The following NEBL variants were observed in gnomAD, a reference collection of about 807,000 sequenced individuals.
NEBL encodes the protein LIM and SH3 protein 2.
A neutral mutation model predicts 140.2 loss-of-function variants in NEBL; 122 were observed. The observed-to-expected ratio is 0.87, with a 90% confidence interval of 0.75 to 1.01. The LOEUF (loss-of-function observed/expected upper bound fraction) is 1.01. Among genes scored for constraint, NEBL ranks in the 50% least tolerant of loss-of-function variants. The pLI is 0.00. For missense variants in NEBL, 1,365 were observed against 1,231.3 expected, an observed-to-expected ratio of 1.11 and a Z score of -1.62; for synonymous variants, 436 against 398.9, an observed-to-expected ratio of 1.09 and a Z score of -1.11.
chr10:20,832,881 C>A (rs1840546601), intron 14 of NEBL, among the ~76,000 whole-genome samples: 1 of 152,170 alleles, frequency 6.6e-6, no homozygotes, highest in South Asian at 2.1e-4. Context: ...TTATGTTTAA[C>A]TTTCAAAATA....
chr10:21,153,617 C>T lies in NEBL; in HGVS notation c.164+18766G>A, dbSNP rs530625895. Reference sequence around the variant, plus strand: ...AATCTCAGCTCACTGCAACCTCCACCCCGAGGGTTCAAGTGAATCTCCTGA... The same window carrying T: ...AATCTCAGCTCACTGCAACCTCCACTCCGAGGGTTCAAGTGAATCTCCTGA... On this transcript the variant is annotated intron_variant, in intron 2 of 6. Coordinates refer to the NEBL transcript ENST00000417816. Among the ~76,000 whole-genome samples, 5 of 152,196 alleles carry T rather than the reference C, an allele frequency of 3.3e-5. No homozygotes were observed. In the South Asian group the frequency reaches 6.2e-4, roughly 19 times the overall value.
intron 2 of NEBL, chr10:21,113,266 C>G: frequency 4.2e-6 from 1 of 237,072 alleles, no homozygotes; most frequent in South Asian, 4.1e-5. Flanking sequence ...ACCATCAACA[C>G]CAAGATCAAA....
chr10:21,182,256 A>G (rs1841400135), intron 3 of NEBL, among the ~76,000 whole-genome samples: 1 of 151,902 alleles, frequency 6.6e-6, no homozygotes, highest in Admixed American at 6.6e-5. Context: ...AGGATCAAAG[A>G]AGGCCAGGAA....
chr10:20,853,795 AG>A (rs1173843452), intron 9 of NEBL, among the ~76,000 whole-genome samples: 3 of 152,140 alleles, frequency 2.0e-5, no homozygotes, highest in African/African-American at 7.2e-5. Context: ...ACCGTTAGAG[AG>A]AATGAGTTTA....
intron 10 of NEBL, among the ~76,000 whole-genome samples, chr10:20,852,255 G>A (rs1340871674): frequency 6.6e-6 from 1 of 152,040 alleles, no homozygotes; most frequent in African/African-American, 2.4e-5. Context: ...ATCATCATGT[G>A]GTTTGACCAT....
chr10:20,994,812 T>C (rs1281415239), intron 3 of NEBL, among the ~76,000 whole-genome samples: 1 of 152,130 alleles, frequency 6.6e-6, no homozygotes, highest in Admixed American at 6.5e-5. Context: ...ATTCATTAAG[T>C]GGAAATGGAC....
chr10:20,914,396 C>T (rs1352529451), intron 4 of NEBL, among the ~76,000 whole-genome samples: 1 of 152,196 alleles, frequency 6.6e-6, no homozygotes, highest in Non-Finnish European at 1.5e-5. Context: ...GCCTTACTTA[C>T]TGCAAAGGTT....
chr10:20,954,025 GAAAAAAA>G (rs200642113), intron 4 of NEBL, among the ~76,000 whole-genome samples: 24,346 of 125,768 alleles, frequency 0.19, 2,479 homozygotes, highest in East Asian at 0.4. Context: ...TCTTCTTAAG[GAAAAAAA>G]AAAAAAAAAA....
intron 2 of NEBL, among the ~76,000 whole-genome samples, chr10:21,141,513 G>C (rs1280514005): frequency 6.6e-6 from 1 of 152,130 alleles, no homozygotes; most frequent in Non-Finnish European, 1.5e-5. Context: ...TTTTCTGTTT[G>C]TCTAATATTA....
At chr10:20,900,589 C>T (rs1588979282), upstream of NEBL, among the ~76,000 whole-genome samples, 1 of 149,266 alleles carries the variant, frequency 6.7e-6, no homozygotes, top group African/African-American at 2.5e-5. Context: ...TTCGGGAGGC[C>T]AAGGCAGGTG....
chr10:21,241,366 G>C (rs945760694), intron 3 of NEBL, among the ~76,000 whole-genome samples: 2 of 151,888 alleles, frequency 1.3e-5, no homozygotes, highest in Non-Finnish European at 2.9e-5. Flanking sequence ...GAGCTTGTTC[G>C]GCCCCCTGGG....
rs1013642725 is a variant in NEBL, at chr10:21,125,834, T to C, written c.164+46549A>G. Reference sequence around the variant, plus strand: ...TGTCCTTCAGACATTTACAAAAAAGTCATTTTCAGCACCTTCTTAGATACG... The same window carrying C: ...TGTCCTTCAGACATTTACAAAAAAGCCATTTTCAGCACCTTCTTAGATACG... On this transcript the variant is annotated intron_variant, in intron 2 of 6. Transcript: ENST00000417816. 5.6e-6 allele frequency: 9 copies of C among 1,609,496 alleles called. No homozygotes were observed. In the East Asian group the frequency reaches 1.8e-4, roughly 32 times the overall value.
intron 2 of NEBL, among the ~76,000 whole-genome samples, chr10:21,094,854 G>A (rs1336046817): frequency 2.6e-5 from 4 of 152,128 alleles, no homozygotes; most frequent in African/African-American, 9.7e-5. Context: ...TGGAAGAATG[G>A]CAGTATCGTA....
chr10:21,243,019 G>A (rs1441228378), intron 3 of NEBL, among the ~76,000 whole-genome samples: 1 of 152,152 alleles, frequency 6.6e-6, no homozygotes, highest in African/African-American at 2.4e-5. Flanking sequence ...GAGGGTCTCA[G>A]AAGCCTTTGA....
intron 3 of NEBL, among the ~76,000 whole-genome samples, chr10:21,212,089 T>G (rs955665596): frequency 1.3e-5 from 2 of 151,698 alleles, no homozygotes; most frequent in African/African-American, 4.8e-5. Flanking sequence ...TATTACACAG[T>G]ATACATATAA....
chr10:21,034,062 G>T (rs1195635431), intron 2 of NEBL, among the ~76,000 whole-genome samples: 2 of 151,010 alleles, frequency 1.3e-5, no homozygotes, highest in African/African-American at 4.9e-5. Context: ...AGCTACTAGG[G>T]GGGCTGAGGT....
At chr10:20,871,028 AT>A (rs1419314523) in intron 5 of NEBL, among the ~76,000 whole-genome samples, 1 of 152,192 alleles carries the variant, frequency 6.6e-6, no homozygotes, top group Non-Finnish European at 1.5e-5. Flanking sequence ...ATTTGGCAAT[AT>A]CCCCAGGGAC....
At chr10:21,010,572 T>A (rs1838299704) in intron 3 of NEBL, among the ~76,000 whole-genome samples, 1 of 150,510 alleles carries the variant, frequency 6.6e-6, no homozygotes, top group Non-Finnish European at 1.5e-5. Flanking sequence ...CTTTTGAAGT[T>A]CAAAAGCTAC....
intron 2 of NEBL, among the ~76,000 whole-genome samples, chr10:21,024,176 T>C (rs1028152758): frequency 6.6e-6 from 1 of 152,172 alleles, no homozygotes; most frequent in African/African-American, 2.4e-5. Flanking sequence ...TGTATACTGA[T>C]ATCTAGGACT....
Sources: gnomAD v4.1 joint callset for allele counts (sites outside exome capture counted in the v4.1 genomes callset) on GRCh38, gnomAD v4.1.1 for gene constraint, MANE v1.5 for transcripts, NCBI Gene and HGNC (gene_info 2026-07-23, HGNC 2026-07-21) for gene names.